The following ALPK2 variants were observed in gnomAD, a reference collection of about 807,000 sequenced individuals.
The protein encoded by ALPK2 is alpha kinase 2, also known as alpha-protein kinase 2.
ALPK2 carries 127 observed loss-of-function variants against 163.1 expected under a neutral mutation model. The ratio of observed to expected loss-of-function variants is 0.78; its 90% CI spans 0.67 to 0.90. The LOEUF (loss-of-function observed/expected upper bound fraction) is 0.90. ALPK2 is among the 40% of genes least tolerant of loss of function. ALPK2 has a pLI of 0.00. For synonymous variants in ALPK2, 953 were observed against 959.1 expected, an observed-to-expected ratio of 0.99 and a Z score of 0.12; for missense variants, 2,360 against 2,589.6, an observed-to-expected ratio of 0.91 and a Z score of 1.92.
chr18:58,504,680 G>C (rs1256810468), intron 10 of ALPK2, among the ~76,000 whole-genome samples: 1 of 152,176 alleles, frequency 6.6e-6, no homozygotes, highest in Non-Finnish European at 1.5e-5. Flanking sequence ...ACCTTTAAAT[G>C]AGGGAGACTG....
chr18:58,516,855 A>G, intron 9 of ALPK2, 53 bp downstream of exon 9: 1 of 1,581,432 alleles, frequency 6.3e-7, no homozygotes, highest in Non-Finnish European at 8.7e-7. Flanking sequence ...ATCTCGTCTT[A>G]TCATGGGTGG....
At chr18:58,540,585 A>T (rs2144152345) in intron 4 of ALPK2, among the ~76,000 whole-genome samples, 1 of 152,312 alleles carries the variant, frequency 6.6e-6, no homozygotes, top group East Asian at 1.9e-4. Context: ...GCACAAATAG[A>T]CTGAGTCATT....
At chr18:58,534,094 G>T (rs1298314354) in intron 5 of ALPK2, among the ~76,000 whole-genome samples, 1 of 151,908 alleles carries the variant, frequency 6.6e-6, no homozygotes, top group African/African-American at 2.4e-5. Context: ...TCTATAAATG[G>T]AATTTGGGAC....
intron 4 of ALPK2, chr18:58,543,458 A>C: frequency 2.1e-6 from 2 of 948,200 alleles, no homozygotes; most frequent in Non-Finnish European, 2.5e-6. Context: ...GCTGGGGGCC[A>C]TGCGGGGCTC....
At chr18:58,576,994 AC>A (rs2144194935) in intron 4 of ALPK2, among the ~76,000 whole-genome samples, 1 of 152,334 alleles carries the variant, frequency 6.6e-6, no homozygotes, top group South Asian at 2.1e-4. Flanking sequence ...CCTTAGTCAC[AC>A]CACAGCGCAC....
intron 4 of ALPK2, chr18:58,545,235 ACACACACAC>A (rs1411761637): frequency 1.1e-5 from 1 of 92,254 alleles, no homozygotes; most frequent in African/African-American, 3.7e-5. Flanking sequence ...AAAAAAAAAA[ACACACACAC>A]ACACACACAC....
chr18:58,624,349 A>G (rs1477765439), intron 1 of ALPK2, among the ~76,000 whole-genome samples: 1 of 152,242 alleles, frequency 6.6e-6, no homozygotes. Context: ...GCTTCCAGAA[A>G]TGCAGGAAAC....
At chr18:58,608,613 G>C (rs1018103673) in intron 2 of ALPK2, among the ~76,000 whole-genome samples, 1 of 152,148 alleles carries the variant, frequency 6.6e-6, no homozygotes, top group Non-Finnish European at 1.5e-5. Flanking sequence ...TATTTATTGC[G>C]TGATTTTTGG....
intron 11 of ALPK2, among the ~76,000 whole-genome samples, chr18:58,501,075 T>C (rs1368568053): frequency 2.6e-5 from 4 of 152,240 alleles, no homozygotes; most frequent in Non-Finnish European, 4.4e-5. Flanking sequence ...ATAGATGCGC[T>C]ATCTCATGCC....
Position 58,537,785 on chromosome 18 carries a change from A to G in ALPK2, c.2402T>C (p.Val801Ala). ...VCDEPRDREAVCAMECFEAGD... is the reference protein window; with the variant it reads ...VCDEPRDREAACAMECFEAGD... ...AGCCTCAAAACACTCCATTGCACAC[A>G]CTGCTTCTCTGTCCCTTGGCTCATC... Residue 801 changes from valine (V) to alanine (A), a missense_variant, in exon 5 of 13, where the codon GTG becomes GCG. Physicochemically the swap from Val to Ala is moderately conservative, Grantham distance 64. Coordinates refer to ENST00000361673, the MANE Select transcript of ALPK2 (RefSeq NM_052947.4). 6.2e-7 allele frequency: 1 copy of G among 1,613,974 alleles called. No individual in the cohort carries two copies. The highest frequency in any genetic ancestry group is 1.1e-5 in the South Asian group (1 of 91,070).
intron 8 of ALPK2, among the ~76,000 whole-genome samples, chr18:58,518,215 G>A (rs1304705210): frequency 6.6e-6 from 1 of 152,148 alleles, no homozygotes; most frequent in Non-Finnish European, 1.5e-5. Context: ...CATGCTTCAG[G>A]AAATATTTTT....
chr18:58,497,985 T>G (rs2051409647), intron 12 of ALPK2, 64 bp downstream of exon 12: 2 of 1,474,374 alleles, frequency 1.4e-6, no homozygotes, highest in African/African-American at 1.4e-5. Flanking sequence ...CCTGACAGTG[T>G]CTGCCTGGAA....
chr18:58,600,302 G>C (rs1230583391), intron 3 of ALPK2, among the ~76,000 whole-genome samples: 2 of 152,192 alleles, frequency 1.3e-5, no homozygotes, highest in Non-Finnish European at 2.9e-5. Context: ...CTCCCAAAGT[G>C]CTGGGATTAC....
chr18:58,589,471 A>ACTAGT, intron 3 of ALPK2, among the ~76,000 whole-genome samples: 1 of 152,342 alleles, frequency 6.6e-6, no homozygotes, highest in East Asian at 1.9e-4. Flanking sequence ...AATCCACAGG[A>ACTAGT]CTAGTAACCC....
At chr18:58,539,751 T>C (rs1334055960) in intron 4 of ALPK2, among the ~76,000 whole-genome samples, 1 of 152,208 alleles carries the variant, frequency 6.6e-6, no homozygotes, top group Non-Finnish European at 1.5e-5. Flanking sequence ...TGTCATGAGA[T>C]TGATTCTCAT....
At position 58,598,953 on chromosome 18, in the gene ALPK2, C is replaced by T. The variant is rs116886790; in HGVS notation, c.227+8369G>A. ...ACGTGACAGTGACAGTTTTCAGTGACAGTACTTTCAGAACGTGTCCAACTT... is the reference window on the plus strand; with the variant it reads ...ACGTGACAGTGACAGTTTTCAGTGATAGTACTTTCAGAACGTGTCCAACTT... On this transcript the variant is annotated intron_variant, in intron 3 of 12. Coordinates refer to ENST00000361673, the MANE Select transcript of ALPK2 (RefSeq NM_052947.4). Among the ~76,000 whole-genome samples, 127 of 152,270 alleles carry T rather than the reference C, an allele frequency of 8.3e-4. 1 individual carries two copies. The East Asian group carries it at 0.014, about 17-fold the overall frequency.
At chr18:58,502,134 C>CCA (rs71173056) in intron 11 of ALPK2, among the ~76,000 whole-genome samples, 23,556 of 117,912 alleles carry the variant, frequency 0.2, 2,281 homozygotes, top group Middle Eastern at 0.31. Flanking sequence ...AACCCCATCT[C>CCA]CACACACACA....
chr18:58,518,792 C>T lies in ALPK2; in HGVS notation c.5666-1610G>A, dbSNP rs377204650. ...TGTGGAAATGCCTTTCCACAAGCTA[C>T]TGCCCTTACCTACTCAAAGTCCTTC... On this transcript the variant is annotated intron_variant, in intron 8 of 12. Transcript: ENST00000361673. Among the ~76,000 whole-genome samples the T allele has an allele frequency of 6.4e-4, 97 of 152,316 alleles. No individual in the cohort carries two copies. In the South Asian group the frequency reaches 0.019, roughly 30 times the overall value.
At chr18:58,557,669 CGTGTGTGT>C (rs5825292) in intron 4 of ALPK2, among the ~76,000 whole-genome samples, 19,510 of 149,782 alleles carry the variant, frequency 0.13, 1,444 homozygotes, top group African/African-American at 0.19. Context: ...CATATATATA[CGTGTGTGT>C]GTGTGTGTGT....
Sources: allele counts gnomAD v4.1 joint callset (sites outside exome capture counted in the v4.1 genomes callset), GRCh38; gene constraint gnomAD v4.1.1; transcripts MANE v1.5; gene names NCBI Gene and HGNC (gene_info 2026-07-23, HGNC 2026-07-21).